The following TMEM132B variants were observed in gnomAD, a reference collection of about 807,000 sequenced individuals.
TMEM132B encodes the protein transmembrane protein 132B.
A neutral mutation model predicts 90.8 loss-of-function variants in TMEM132B; 18 were observed. That is an observed-to-expected ratio of 0.20 (90% CI 0.14 to 0.29). TMEM132B has a LOEUF of 0.29. Among genes scored for constraint, TMEM132B ranks in the 10% least tolerant of loss-of-function variants. The pLI, the probability that TMEM132B is intolerant of heterozygous loss-of-function variation, is 1.00. For missense variants in TMEM132B, 1,096 were observed against 1,326.8 expected, an observed-to-expected ratio of 0.83 and a Z score of 2.70; for synonymous variants, 504 against 523.3, an observed-to-expected ratio of 0.96 and a Z score of 0.50.
At chr12:125,518,828 G>A (rs1459459313) in intron 3 of TMEM132B, among the ~76,000 whole-genome samples, 1 of 152,148 alleles carries the variant, frequency 6.6e-6, no homozygotes, top group Non-Finnish European at 1.5e-5. Context: ...TTGGTGAAAT[G>A]AGAAGTCCAG....
intron 1 of TMEM132B, among the ~76,000 whole-genome samples, chr12:125,210,035 A>G (rs1201824512): frequency 6.6e-6 from 1 of 152,222 alleles, no homozygotes; most frequent in African/African-American, 2.4e-5. Flanking sequence ...GAACAAGGCC[A>G]ACAAAAATCT....
intron 1 of TMEM132B, among the ~76,000 whole-genome samples, chr12:125,306,321 A>G (rs1365835062): frequency 6.6e-6 from 1 of 152,240 alleles, no homozygotes; most frequent in South Asian, 2.1e-4. Flanking sequence ...GTTTTAGCAG[A>G]TGGCAGATGA....
chr12:125,265,358 G>A (rs913127475), intron 1 of TMEM132B, among the ~76,000 whole-genome samples: 10 of 152,066 alleles, frequency 6.6e-5, no homozygotes, highest in African/African-American at 2.2e-4. Context: ...TTATAAATTA[G>A]ACATAGTAAG....
At chr12:125,287,134 GTCT>G in intron 1 of TMEM132B, among the ~76,000 whole-genome samples, 1 of 150,464 alleles carries the variant, frequency 6.6e-6, no homozygotes, top group South Asian at 2.1e-4. Flanking sequence ...ATCTCTCTCT[GTCT>G]CTGTTTATCT....
At chr12:125,391,039 TAGTGTGTG>T (rs142140423) in intron 2 of TMEM132B, among the ~76,000 whole-genome samples, 31,078 of 143,554 alleles carry the variant, frequency 0.22, 4,903 homozygotes, top group African/African-American at 0.46. Context: ...TACTAAAGAA[TAGTGTGTG>T]TGTGTGTGTG....
At position 125,499,875 on chromosome 12, in the gene TMEM132B, T is replaced by G. The variant is rs145436490; in HGVS notation, c.1107-19564T>G. ...AGAAATTACTGACGCACACACTATA[T>G]TGTAAATTCTTATCTTTGTATACTG... On this transcript the variant is annotated intron_variant, in intron 3 of 8. Coordinates refer to ENST00000682704, the MANE Select transcript of TMEM132B (RefSeq NM_001366854.1). 9.6e-3 allele frequency among the ~76,000 whole-genome samples: 1,457 copies of G among 152,298 alleles called. 8 individuals carry two copies. The highest frequency in any genetic ancestry group is 0.034 in the Middle Eastern group (10 of 294).
At chr12:125,372,114 ATTCAAC>A (rs1172831776) in intron 2 of TMEM132B, among the ~76,000 whole-genome samples, 1 of 152,204 alleles carries the variant, frequency 6.6e-6, no homozygotes, top group Non-Finnish European at 1.5e-5. Context: ...TTTGCAAGAA[ATTCAAC>A]ATGTGCTTCT....
intron 2 of TMEM132B, among the ~76,000 whole-genome samples, chr12:125,375,651 A>T (rs1281280491): frequency 6.6e-6 from 1 of 152,216 alleles, no homozygotes; most frequent in Non-Finnish European, 1.5e-5. Flanking sequence ...TTTGAGGTGC[A>T]CACATCACAC....
At chr12:125,365,831 A>G (rs773161160) in intron 2 of TMEM132B, among the ~76,000 whole-genome samples, 5 of 152,166 alleles carry the variant, frequency 3.3e-5, no homozygotes, top group Non-Finnish European at 5.9e-5. Context: ...TAATTGGCAT[A>G]TCCATCACCT....
intron 4 of TMEM132B, among the ~76,000 whole-genome samples, chr12:125,523,369 C>T (rs1378128159): frequency 6.6e-6 from 1 of 151,990 alleles, no homozygotes; most frequent in African/African-American, 2.4e-5. Flanking sequence ...CTCGTGGGTC[C>T]ACGTGACTCT....
chr12:125,413,979 T>C (rs1248815179), intron 2 of TMEM132B, among the ~76,000 whole-genome samples: 3 of 152,200 alleles, frequency 2.0e-5, no homozygotes, highest in African/African-American at 7.2e-5. Context: ...GGGTTCCAAT[T>C]TCTCTACATC....
intron 3 of TMEM132B, among the ~76,000 whole-genome samples, chr12:125,449,500 C>CAA (rs970158639): frequency 6.6e-6 from 1 of 152,072 alleles, no homozygotes; most frequent in African/African-American, 2.4e-5. Flanking sequence ...GGAGATTTAT[C>CAA]AATTTTTTTA....
At chr12:125,275,200 A>G (rs1009666019) in intron 1 of TMEM132B, among the ~76,000 whole-genome samples, 1 of 152,048 alleles carries the variant, frequency 6.6e-6, no homozygotes, top group Non-Finnish European at 1.5e-5. Context: ...CTCACAGCTC[A>G]CTCCAGATTC....
chr12:125,484,310 G>A (rs985684514), intron 3 of TMEM132B, among the ~76,000 whole-genome samples: 6 of 152,120 alleles, frequency 3.9e-5, no homozygotes, highest in Admixed American at 2.6e-4. Context: ...GTTGGGGCTG[G>A]GCCTCTTGGC....
intron 3 of TMEM132B, among the ~76,000 whole-genome samples, chr12:125,511,851 C>CAAAAAAAA (rs35364069): frequency 1.8e-5 from 2 of 111,152 alleles, no homozygotes; most frequent in African/African-American, 6.8e-5. Flanking sequence ...GACTCTATCT[C>CAAAAAAAA]AAAAAAAAAA....
chr12:125,505,196 C>G (rs961292323), intron 3 of TMEM132B, among the ~76,000 whole-genome samples: 2 of 43,690 alleles, frequency 4.6e-5, no homozygotes, highest in African/African-American at 8.5e-5. Context: ...AAAAAAAAAA[C>G]AGTAAGTGGG....
At chr12:125,632,281 C>T (rs112638805) in intron 5 of TMEM132B, among the ~76,000 whole-genome samples, 156 of 151,172 alleles carry the variant, frequency 1.0e-3, no homozygotes, top group African/African-American at 3.6e-3. Context: ...AAAAACTCTA[C>T]ACATTAACAT....
chr12:125,653,927 A>C lies in TMEM132B; in HGVS notation c.2469A>C (p.Ile823=). 1.2e-6 allele frequency: 2 copies of C among 1,614,210 alleles called. No individual in the cohort carries two copies. The change falls in exon 9 of 9, where the codon ATA becomes ATC. Residue 823 remains isoleucine, a synonymous_variant. Coordinates refer to ENST00000682704, the MANE Select transcript of TMEM132B (RefSeq NM_001366854.1). Reference sequence around the variant, plus strand: ...ATAAAGACCACCTCAGTAATTCCATAGAGCGCGAAGGAAACCAGGAGAGAG... The same window carrying C: ...ATAAAGACCACCTCAGTAATTCCATCGAGCGCGAAGGAAACCAGGAGAGAG... The part of the protein sequence containing the change: ...REYKDHLSNS[I]EREGNQERAV...
chr12:125,283,687 G>A (rs1339859657), intron 1 of TMEM132B, among the ~76,000 whole-genome samples: 1 of 152,228 alleles, frequency 6.6e-6, no homozygotes, highest in African/African-American at 2.4e-5. Context: ...TCCGGCAGCT[G>A]TCCTGTAATG....
Sources: gnomAD v4.1 joint callset for allele counts (sites outside exome capture counted in the v4.1 genomes callset) on GRCh38, gnomAD v4.1.1 for gene constraint, MANE v1.5 for transcripts, NCBI Gene and HGNC (gene_info 2026-07-23, HGNC 2026-07-21) for gene names.